The following TBC1D5 variants were observed in gnomAD, a reference collection of about 807,000 sequenced individuals.
TBC1D5 encodes TBC1 domain family member 5, also known as TBC1 domain family, member 5.
TBC1D5 carries 75 observed loss-of-function variants against 100.3 expected under a neutral mutation model. The observed-to-expected ratio is 0.75, with a 90% CI of 0.62 to 0.91. The LOEUF is 0.91. Among genes scored for constraint, TBC1D5 ranks in the 40% least tolerant of loss-of-function variants. The pLI is 0.00. For missense variants in TBC1D5, 910 were observed against 942.4 expected (o/e 0.97, Z 0.45); for synonymous variants, 323 against 325.6 (o/e 0.99, Z 0.09).
At chr3:17,664,062 C>CTGTTTGTT (rs549096896) in intron 1 of TBC1D5, among the ~76,000 whole-genome samples, 1 of 151,924 alleles carries the variant, frequency 6.6e-6, no homozygotes, top group Non-Finnish European at 1.5e-5. Context: ...TTTCTGTTTT[C>CTGTTTGTT]TGTTTGTTTG....
chr3:17,552,208 A>G (rs909206210), intron 2 of TBC1D5, among the ~76,000 whole-genome samples: 1 of 152,122 alleles, frequency 6.6e-6, no homozygotes, highest in African/African-American at 2.4e-5. Flanking sequence ...AAAAAAGGTA[A>G]TAACAATCAC....
intron 8 of TBC1D5, among the ~76,000 whole-genome samples, chr3:17,386,509 TG>T (rs1197586020): frequency 1.3e-5 from 2 of 152,130 alleles, no homozygotes; most frequent in Non-Finnish European, 2.9e-5. Flanking sequence ...TTGCACATCG[TG>T]AACTATAACA....
chr3:17,178,128 C>G lies in TBC1D5; in HGVS notation c.1852+6981G>C, dbSNP rs529207908. ...TCGCCCAGGCTGGAGTGCAGTGGCG[C>G]GATCTCGGCTCACTGCAAGCTCTGC... On this transcript the variant is annotated intron_variant, in intron 19 of 21. Transcript: ENST00000253692. Among the ~76,000 whole-genome samples, 21 of 147,574 alleles carry G rather than the reference C, an allele frequency of 1.4e-4. No individual in the cohort carries two copies. The South Asian group carries it at 1.9e-3, about 14-fold the overall frequency.
intron 2 of TBC1D5, among the ~76,000 whole-genome samples, chr3:17,588,922 T>A (rs1443325801): frequency 6.6e-6 from 1 of 152,194 alleles, no homozygotes. Context: ...TACTAAAATA[T>A]CCATGATTTC....
At chr3:17,275,902 T>A (rs150880202) in intron 15 of TBC1D5, among the ~76,000 whole-genome samples, 1 of 152,204 alleles carries the variant, frequency 6.6e-6, no homozygotes, top group Admixed American at 6.5e-5. Flanking sequence ...TTCTACCTGA[T>A]ACCAGGTACT....
At chr3:17,605,549 T>C (rs1326360931) in intron 2 of TBC1D5, among the ~76,000 whole-genome samples, 1 of 152,206 alleles carries the variant, frequency 6.6e-6, no homozygotes, top group Non-Finnish European at 1.5e-5. Flanking sequence ...TTGAAAGAGT[T>C]TGGGCAGTAG....
At chr3:17,493,276 T>C (rs2095661911) in intron 3 of TBC1D5, among the ~76,000 whole-genome samples, 1 of 152,108 alleles carries the variant, frequency 6.6e-6, no homozygotes, top group African/African-American at 2.4e-5. Flanking sequence ...CTCCAATCTC[T>C]TCCGGCTTGT....
chr3:17,273,967 A>G (rs2079698013), intron 15 of TBC1D5, among the ~76,000 whole-genome samples: 1 of 151,082 alleles, frequency 6.6e-6, no homozygotes, highest in Non-Finnish European at 1.5e-5. Context: ...GAAGTTATCT[A>G]CTGTTTTCTG....
In TBC1D5 at chr3:17,220,886, G is replaced by GA. The variant is rs201275902; in HGVS notation, c.1589-6517dup. ...GATTCACAAGGCTTTTTGACAAAAT[G>GA]AAAAAAATTCCATCTTTTTAAAAGC... On this transcript the variant is annotated intron_variant, in intron 17 of 21. Coordinates refer to ENST00000253692, the Ensembl canonical transcript of TBC1D5. Among the ~76,000 whole-genome samples, 12 of 152,102 alleles carry GA rather than the reference G, an allele frequency of 7.9e-5. No individual in the cohort carries two copies. In the East Asian group the frequency reaches 2.1e-3, roughly 27 times the overall value.
chr3:17,351,714 A>G (rs570606087), intron 13 of TBC1D5, among the ~76,000 whole-genome samples: 44 of 152,062 alleles, frequency 2.9e-4, no homozygotes, highest in African/African-American at 9.9e-4. Context: ...TTATCCCACA[A>G]CTTAAAGTAT....
intron 1 of TBC1D5, among the ~76,000 whole-genome samples, chr3:17,673,193 T>C (rs977025894): frequency 2.0e-5 from 3 of 152,152 alleles, no homozygotes; most frequent in Non-Finnish European, 2.9e-5. Context: ...CCAATTTCGG[T>C]ATGGCAGTTA....
intron 13 of TBC1D5, among the ~76,000 whole-genome samples, chr3:17,319,533 C>T (rs939677570): frequency 6.6e-6 from 1 of 151,804 alleles, no homozygotes; most frequent in African/African-American, 2.4e-5. Flanking sequence ...ATCCCTTCCC[C>T]AACAGCAAAC....
intron 3 of TBC1D5, among the ~76,000 whole-genome samples, chr3:17,452,550 T>C (rs1006734237): frequency 6.6e-6 from 1 of 151,860 alleles, no homozygotes; most frequent in African/African-American, 2.4e-5. Context: ...TCAGACAAAA[T>C]AGATATCCAG....
At chr3:17,459,480 C>G (rs1270620426) in intron 3 of TBC1D5, among the ~76,000 whole-genome samples, 1 of 152,204 alleles carries the variant, frequency 6.6e-6, no homozygotes, top group Non-Finnish European at 1.5e-5. Context: ...AGGCCACAGC[C>G]TGGGGGTTGA....
chr3:17,271,799 G>A (rs962837940), intron 15 of TBC1D5, among the ~76,000 whole-genome samples: 25 of 152,044 alleles, frequency 1.6e-4, no homozygotes, highest in African/African-American at 6.0e-4. Flanking sequence ...TTTCTCGAGG[G>A]TTTTTTATCA....
intron 3 of TBC1D5, among the ~76,000 whole-genome samples, chr3:17,504,426 A>C (rs950419472): frequency 6.6e-6 from 1 of 152,056 alleles, no homozygotes; most frequent in African/African-American, 2.4e-5. Flanking sequence ...CCTAAAACTT[A>C]AAGTATAATA....
intron 13 of TBC1D5, among the ~76,000 whole-genome samples, chr3:17,368,549 T>A (rs1201788259): frequency 6.6e-6 from 1 of 152,036 alleles, no homozygotes; most frequent in East Asian, 1.9e-4. Context: ...TTGCTAACAC[T>A]TTTCCCCCAT....
chr3:17,363,664 C>A (rs567648710), intron 13 of TBC1D5, among the ~76,000 whole-genome samples: 1 of 151,642 alleles, frequency 6.6e-6, no homozygotes, highest in African/African-American at 2.4e-5. Flanking sequence ...CTTCCCGCCA[C>A]GACCTCTCAA....
intron 18 of TBC1D5, among the ~76,000 whole-genome samples, chr3:17,205,303 A>G (rs532013913): frequency 8.3e-4 from 126 of 152,324 alleles, no homozygotes; most frequent in African/African-American, 2.9e-3. Context: ...CCCTAAGCTC[A>G]TAAAGAAATC....
Sources: gnomAD v4.1 joint callset for allele counts (sites outside exome capture counted in the v4.1 genomes callset) on GRCh38, gnomAD v4.1.1 for gene constraint, MANE v1.5 for transcripts, NCBI Gene and HGNC (gene_info 2026-07-23, HGNC 2026-07-21) for gene names.